The following WWOX variants were observed in gnomAD, a reference collection of about 807,000 sequenced individuals.
The protein encoded by WWOX is WW domain containing oxidoreductase, also known as WW domain-containing oxidoreductase.
WWOX carries 69 observed loss-of-function variants against 46.2 expected under a neutral mutation model. The observed-to-expected ratio is 1.49, with a 90% CI of 1.23 to 1.82. The LOEUF (loss-of-function observed/expected upper bound fraction) is 1.82. Ranked by LOEUF, WWOX falls within the 40% of genes most tolerant of loss-of-function variation. The pLI, the probability that WWOX is intolerant of heterozygous loss-of-function variation, is 0.00. For missense variants in WWOX, 919 were observed against 542.6 expected (o/e 1.69, Z -6.89); for synonymous variants, 359 against 202.6 (o/e 1.77, Z -6.56).
chr16:79,082,770 G>T (rs2048784831), intron 8 of WWOX, among the ~76,000 whole-genome samples: 1 of 151,544 alleles, frequency 6.6e-6, no homozygotes, highest in African/African-American at 2.4e-5. Flanking sequence ...GTGTAGGGAA[G>T]ATGGGAGGGA....
chr16:78,690,919 C>T (rs979908641), intron 8 of WWOX, among the ~76,000 whole-genome samples: 1 of 152,086 alleles, frequency 6.6e-6, no homozygotes, highest in African/African-American at 2.4e-5. Flanking sequence ...GTGGCCGAAG[C>T]CTTTGTGTTG....
intron 8 of WWOX, among the ~76,000 whole-genome samples, chr16:78,476,154 G>C (rs1295986553): frequency 6.6e-6 from 1 of 152,216 alleles, no homozygotes; most frequent in Non-Finnish European, 1.5e-5. Context: ...CTACTGGATA[G>C]AACTGGAGCA....
chr16:78,951,257 C>T (rs765098406), intron 8 of WWOX, among the ~76,000 whole-genome samples: 2 of 152,214 alleles, frequency 1.3e-5, no homozygotes. Flanking sequence ...TCTCTGTAAA[C>T]TTCATTTGCA....
Position 78,818,355 on chromosome 16 carries a change from T to C in WWOX, c.1056+385603T>C, listed in dbSNP as rs144638868. ...CTCCAGCACACACAGCCCTTCTCTG[T>C]TGATTAGGGTTGGTTGAGCTGTTCT... On this transcript the variant is annotated intron_variant, in intron 8 of 8. Coordinates refer to ENST00000566780, the MANE Select transcript of WWOX (RefSeq NM_016373.4). Among the ~76,000 whole-genome samples, 650 of 152,272 alleles carry C rather than the reference T, an allele frequency of 4.3e-3. 5 individuals are homozygous for C. The highest frequency in any genetic ancestry group is 0.015 in the African/African-American group (624 of 41,554).
intron 5 of WWOX, among the ~76,000 whole-genome samples, chr16:78,263,109 G>A (rs188887011): frequency 1.6e-4 from 24 of 152,290 alleles, no homozygotes; most frequent in Admixed American, 1.6e-3. Context: ...GAAACATGGT[G>A]CGTGCCTGTA....
intron 8 of WWOX, among the ~76,000 whole-genome samples, chr16:79,193,515 G>C (rs764080431): frequency 1.3e-5 from 2 of 152,212 alleles, no homozygotes; most frequent in Non-Finnish European, 2.9e-5. Context: ...TCTTCAGGGA[G>C]ACCTCAGAGT....
At chr16:78,821,987 C>A (rs1315628646) in intron 8 of WWOX, among the ~76,000 whole-genome samples, 5 of 152,180 alleles carry the variant, frequency 3.3e-5, no homozygotes, top group Admixed American at 2.6e-4. Context: ...AGCGATCCTT[C>A]TGCCTCAGTC....
At chr16:79,065,921 G>C (rs994972167) in intron 8 of WWOX, among the ~76,000 whole-genome samples, 2 of 152,156 alleles carry the variant, frequency 1.3e-5, no homozygotes, top group African/African-American at 2.4e-5. Context: ...TTGCTCCCAG[G>C]CATTGTTCTT....
chr16:79,056,446 T>C (rs2048264112), intron 8 of WWOX, among the ~76,000 whole-genome samples: 1 of 152,230 alleles, frequency 6.6e-6, no homozygotes, highest in Non-Finnish European at 1.5e-5. Context: ...TAGGTAAATG[T>C]ATCTGGGGCA....
At chr16:78,154,599 G>A (rs8056446) in intron 4 of WWOX, among the ~76,000 whole-genome samples, 85,272 of 148,776 alleles carry the variant, frequency 0.57, 24,393 homozygotes, top group African/African-American at 0.65. Context: ...CTGCCACTCA[G>A]TGACATTTGT....
chr16:78,839,927 C>T (rs1260885785), intron 8 of WWOX, among the ~76,000 whole-genome samples: 1 of 152,202 alleles, frequency 6.6e-6, no homozygotes, highest in East Asian at 1.9e-4. Flanking sequence ...CCTGCATTTT[C>T]TAGTTAACCA....
At chr16:79,036,360 C>T (rs920133093) in intron 8 of WWOX, among the ~76,000 whole-genome samples, 6 of 152,184 alleles carry the variant, frequency 3.9e-5, no homozygotes, top group African/African-American at 1.4e-4. Context: ...AGACAGTACC[C>T]TTTATGTTCA....
chr16:78,950,553 C>CACAG (rs1166697273), intron 8 of WWOX, among the ~76,000 whole-genome samples: 10 of 151,774 alleles, frequency 6.6e-5, no homozygotes, highest in South Asian at 2.1e-4. Context: ...CACACACACA[C>CACAG]ACACACACAC....
At chr16:78,735,175 G>T (rs1210428880) in intron 8 of WWOX, among the ~76,000 whole-genome samples, 1 of 151,968 alleles carries the variant, frequency 6.6e-6, no homozygotes, top group East Asian at 1.9e-4. Flanking sequence ...CCTGACATCA[G>T]TCTTTTCCTG....
At chr16:78,329,408 A>G (rs1359233046) in intron 5 of WWOX, among the ~76,000 whole-genome samples, 1 of 152,200 alleles carries the variant, frequency 6.6e-6, no homozygotes, top group Non-Finnish European at 1.5e-5. Context: ...GGTTCCAGAC[A>G]GAGTGAAATT....
chr16:78,664,180 A>T (rs548686203), intron 8 of WWOX, among the ~76,000 whole-genome samples: 2 of 152,302 alleles, frequency 1.3e-5, no homozygotes, highest in South Asian at 2.1e-4. Flanking sequence ...AATAATGGAG[A>T]TAGAGAAAAC....
chr16:78,124,195 C>G (rs1314289748), intron 4 of WWOX: 1 of 151,760 alleles, frequency 6.6e-6, no homozygotes. Flanking sequence ...GCAACTTTTT[C>G]TCTTTTGAAA....
intron 6 of WWOX, among the ~76,000 whole-genome samples, chr16:78,395,422 C>T (rs939893384): frequency 5.3e-5 from 8 of 151,960 alleles, no homozygotes; most frequent in Non-Finnish European, 1.0e-4. Context: ...GGGAGGCTGA[C>T]GAGTAAGGAT....
intron 8 of WWOX, among the ~76,000 whole-genome samples, chr16:78,816,176 T>C (rs2142727436): frequency 6.6e-6 from 1 of 152,244 alleles, no homozygotes; most frequent in African/African-American, 2.4e-5. Flanking sequence ...CTGGACCCCC[T>C]CTGATAAACC....
Sources: gnomAD v4.1 joint callset for allele counts (sites outside exome capture counted in the v4.1 genomes callset) on GRCh38, gnomAD v4.1.1 for gene constraint, MANE v1.5 for transcripts, NCBI Gene and HGNC (gene_info 2026-07-23, HGNC 2026-07-21) for gene names.